PFKFB3: variants seen among roughly 807,000 people sequenced by gnomAD.
PFKFB3 encodes the protein 6-phosphofructo-2-kinase/fructose-2,6-bisphosphatase 3.
Under a neutral mutation model 68.0 loss-of-function variants are expected in PFKFB3, and 33 were observed. The ratio of observed to expected loss-of-function variants is 0.49; its 90% CI spans 0.37 to 0.65. The LOEUF (loss-of-function observed/expected upper bound fraction) is 0.65, where lower values mean the gene tolerates loss of function less well. PFKFB3 is among the 30% of genes least tolerant of loss of function. PFKFB3 has a pLI of 0.00. For missense variants in PFKFB3, 586 were observed against 712.2 expected (o/e 0.82, Z 2.02); for synonymous variants, 315 against 288.2 (o/e 1.09, Z -0.94).
chr10:6,146,374 G>C, intron 1 of PFKFB3: 3 of 1,535,286 alleles, frequency 2.0e-6, no homozygotes, highest in South Asian at 2.4e-5. Flanking sequence ...CGTTGGGGTA[G>C]AGAGATGGGG....
Position 6,219,843 on chromosome 10 carries a change from C to T in PFKFB3, c.623+150C>T, listed in dbSNP as rs1844832053. On this transcript the variant is annotated intron_variant, in intron 7 of 14. Transcript: ENST00000379775. ...GTAGAGATGAGGTCTCGCTATGTTGCCCGGGCTGGTCTTGAGCTCCTGGCC... is the reference window on the plus strand; with the variant it reads ...GTAGAGATGAGGTCTCGCTATGTTGTCCGGGCTGGTCTTGAGCTCCTGGCC... 2.4e-5 allele frequency: 17 copies of T among 711,850 alleles called. No homozygotes were observed. In the South Asian group the frequency reaches 3.2e-4, roughly 14 times the overall value. 44.1% of individuals were successfully genotyped at this position (711,850 alleles called of 1,614,324 possible). A position where few individuals can be genotyped will look rare whatever the true frequency, so the allele number is the denominator to read the frequency against.
At chr10:6,235,838 C>G (rs901239685), downstream of PFKFB3, among the ~76,000 whole-genome samples, 17 of 150,002 alleles carry the variant, frequency 1.1e-4, no homozygotes, top group African/African-American at 4.2e-4. Context: ...GCGATCTCAG[C>G]TCACTGCAAC....
At chr10:6,198,584 G>T (rs944676905), upstream of PFKFB3, among the ~76,000 whole-genome samples, 5 of 152,248 alleles carry the variant, frequency 3.3e-5, no homozygotes, top group African/African-American at 1.2e-4. Flanking sequence ...CTGGGTTCAA[G>T]TGATTCTTGT....
At chr10:6,193,846 A>G (rs1309945429) in intron 1 of PFKFB3, among the ~76,000 whole-genome samples, 5 of 152,118 alleles carry the variant, frequency 3.3e-5, no homozygotes, top group Admixed American at 1.3e-4. Flanking sequence ...AGGGTGGGGG[A>G]GATTACAAAG....
At chr10:6,226,437 G>A (rs986724137) in intron 14 of PFKFB3, 72 bp downstream of exon 14, 26 of 1,450,070 alleles carry the variant, frequency 1.8e-5, no homozygotes, top group African/African-American at 4.2e-5. Context: ...CTGGGATTGC[G>A]TGCGTGTGTG....
At chr10:6,221,289 G>T (rs1441256355) in intron 8 of PFKFB3, 92 bp from the exon 9 acceptor site, 7 of 1,488,700 alleles carry the variant, frequency 4.7e-6, no homozygotes, top group Middle Eastern at 1.9e-4. Flanking sequence ...ACCAGGTAGT[G>T]CACAGCCCTA....
At chr10:6,238,281 C>T (rs1046600223), downstream of PFKFB3, among the ~76,000 whole-genome samples, 3 of 152,094 alleles carry the variant, frequency 2.0e-5, no homozygotes, top group Non-Finnish European at 4.4e-5. Flanking sequence ...CCTCCTGCCT[C>T]AGCCTCCTGA....
chr10:6,309,159 C>CTG, the PFKFB3 span, among the ~76,000 whole-genome samples: 2 of 152,188 alleles, frequency 1.3e-5, no homozygotes, highest in Non-Finnish European at 1.5e-5. Context: ...AAATGAAAAC[C>CTG]TAAATCTACA....
chr10:6,193,460 C>A (rs1314535872), intron 1 of PFKFB3, among the ~76,000 whole-genome samples: 1 of 152,206 alleles, frequency 6.6e-6, no homozygotes, highest in South Asian at 2.1e-4. Flanking sequence ...GATTGAACAC[C>A]TTCTCCATGT....
intron 1 of PFKFB3, among the ~76,000 whole-genome samples, chr10:6,192,137 A>AATAC (rs1843040491): frequency 3.0e-5 from 2 of 67,658 alleles, no homozygotes; most frequent in African/African-American, 1.2e-4. Flanking sequence ...GACATTCCCC[A>AATAC]ATACACACAC....
At chr10:6,161,585 CAT>C (rs36111327) in intron 1 of PFKFB3, among the ~76,000 whole-genome samples, 12 of 115,418 alleles carry the variant, frequency 1.0e-4, no homozygotes, top group East Asian at 4.3e-4. Context: ...TACACACACA[CAT>C]ATATATATAC....
intron 1 of PFKFB3, among the ~76,000 whole-genome samples, chr10:6,211,575 G>C (rs956104433): frequency 6.6e-6 from 1 of 152,180 alleles, no homozygotes; most frequent in African/African-American, 2.4e-5. Context: ...TGCCTCACTG[G>C]CTTTCGGGGA....
chr10:6,177,452 CT>C (rs1362023847), intron 1 of PFKFB3, among the ~76,000 whole-genome samples: 7 of 94,728 alleles, frequency 7.4e-5, no homozygotes, highest in Admixed American at 2.3e-4. Context: ...TTCTTTCTTT[CT>C]TTCTTTCTTT....
intron 1 of PFKFB3, among the ~76,000 whole-genome samples, chr10:6,162,342 A>C (rs1262833218): frequency 6.6e-6 from 1 of 152,214 alleles, no homozygotes; most frequent in Non-Finnish European, 1.5e-5. Flanking sequence ...TGCTGCGAAC[A>C]TGGGTCTACA....
chr10:6,271,346 T>C, the PFKFB3 span, among the ~76,000 whole-genome samples: 1 of 152,224 alleles, frequency 6.6e-6, no homozygotes, highest in Non-Finnish European at 1.5e-5. Flanking sequence ...AGGCCCAGGC[T>C]ACGTTCCTTT....
In PFKFB3 at chr10:6,225,103, G is replaced by A. The variant is rs961902582; in HGVS notation, c.1341+890G>A. On this transcript the variant is annotated intron_variant, in intron 13 of 14. Coordinates refer to ENST00000379775, the MANE Select transcript of PFKFB3 (RefSeq NM_004566.4). ...CAGGCTGCCTCTGACTGAGTAGAGT[G>A]GGCCTCTGCTCAGGTGGACGCGTGT... 10 of 456,076 alleles carry A rather than the reference G, an allele frequency of 2.2e-5. No homozygotes were observed. The Middle Eastern group carries it at 9.7e-4, about 44-fold the overall frequency. 28.3% of individuals were successfully genotyped at this position (456,076 alleles called of 1,614,324 possible).
At chr10:6,265,677 C>G in the PFKFB3 span, among the ~76,000 whole-genome samples, 1 of 152,126 alleles carries the variant, frequency 6.6e-6, no homozygotes, top group Admixed American at 6.6e-5. Flanking sequence ...TCCCTTGGAG[C>G]TAATAAGCAA....
At chr10:6,275,466 G>T in the PFKFB3 span, among the ~76,000 whole-genome samples, 1,869 of 152,330 alleles carry the variant, frequency 0.012, 42 homozygotes, top group African/African-American at 0.042. This position sits in a 1 kb window ranked among gnomAD's most constrained non-coding sequence, Gnocchi z 4.9. Context: ...GCCTTGTGAT[G>T]GAGTCAGGCC....
At chr10:6,251,144 C>T (rs1207438286) in intron 14 of PFKFB3, among the ~76,000 whole-genome samples, 1 of 152,186 alleles carries the variant, frequency 6.6e-6, no homozygotes, top group Non-Finnish European at 1.5e-5. Context: ...AAATATTTCA[C>T]AAGTTGAAAT....
Sources: allele counts gnomAD v4.1 joint callset (sites outside exome capture counted in the v4.1 genomes callset), GRCh38; gene constraint gnomAD v4.1.1; non-coding constraint Gnocchi (gnomAD v3.1); transcripts MANE v1.5; gene names NCBI Gene and HGNC (gene_info 2026-07-23, HGNC 2026-07-21).